The following KCNH5 variants were observed in gnomAD, a reference collection of about 807,000 sequenced individuals.
KCNH5 encodes the protein voltage-gated delayed rectifier potassium channel KCNH5.
In KCNH5, 46 loss-of-function variants were observed where a neutral mutation model predicts 96.1. The ratio of observed to expected loss-of-function variants is 0.48; its 90% CI spans 0.38 to 0.61. The LOEUF (loss-of-function observed/expected upper bound fraction) is 0.61, where lower values mean the gene tolerates loss of function less well. Ranked by LOEUF, KCNH5 falls within the 20% of genes least tolerant of loss-of-function variation. The pLI, the probability that KCNH5 is intolerant of heterozygous loss-of-function variation, is 0.00. For missense variants in KCNH5, 907 were observed against 1,225.8 expected (o/e 0.74, Z 3.88); for synonymous variants, 439 against 449.8 (o/e 0.98, Z 0.30).
At chr14:62,737,154 A>T (rs1309481729) in intron 10 of KCNH5, among the ~76,000 whole-genome samples, 1 of 152,036 alleles carries the variant, frequency 6.6e-6, no homozygotes, top group Non-Finnish European at 1.5e-5. Context: ...ATTTTCCTCC[A>T]TTGCTCTCAT....
intron 2 of KCNH5, among the ~76,000 whole-genome samples, chr14:63,012,587 G>T (rs1251941302): frequency 6.6e-6 from 1 of 151,998 alleles, no homozygotes; most frequent in Non-Finnish European, 1.5e-5. Context: ...TCTCACACAG[G>T]GCCACAAGAA....
intron 8 of KCNH5, among the ~76,000 whole-genome samples, chr14:62,835,759 T>G (rs2140032108): frequency 6.6e-6 from 1 of 152,072 alleles, no homozygotes; most frequent in South Asian, 2.1e-4. Context: ...CCTTAAAAAA[T>G]AAAGTTACAA....
chr14:62,791,401 A>G (rs1886431663), intron 9 of KCNH5, among the ~76,000 whole-genome samples: 1 of 151,698 alleles, frequency 6.6e-6, no homozygotes, highest in African/African-American at 2.4e-5. Context: ...AACAATGACA[A>G]AAGGGCAAGA....
intron 5 of KCNH5, among the ~76,000 whole-genome samples, chr14:62,983,050 G>A (rs1890639355): frequency 6.6e-6 from 1 of 152,124 alleles, no homozygotes; most frequent in African/African-American, 2.4e-5. Flanking sequence ...CATATTCAAT[G>A]TTAGTAGTTT....
chr14:62,724,389 C>T lies in KCNH5; in HGVS notation c.2020-15934G>A, dbSNP rs1335292829. On this transcript the variant is annotated intron_variant, in intron 10 of 10. Transcript: ENST00000322893. The stretch of plus-strand genomic sequence containing the variant: ...TCAGCTCTATCTATCTTTGAATATA[C>T]AACAACACAAGAGGTCAGTACCTGA... Among the ~76,000 whole-genome samples the T allele has an allele frequency of 3.3e-5, 5 of 151,918 alleles. No homozygotes were observed. The East Asian group carries it at 9.8e-4, about 30-fold the overall frequency.
intron 10 of KCNH5, among the ~76,000 whole-genome samples, chr14:62,764,582 T>TCTCTTC (rs1885819991): frequency 6.6e-6 from 1 of 152,136 alleles, no homozygotes; most frequent in Non-Finnish European, 1.5e-5. Flanking sequence ...AGTCAAACTA[T>TCTCTTC]CTCTTCCTAG....
At chr14:62,801,178 T>C (rs941990274) in intron 9 of KCNH5, among the ~76,000 whole-genome samples, 11 of 152,120 alleles carry the variant, frequency 7.2e-5, no homozygotes, top group African/African-American at 2.7e-4. Context: ...GTGGTGGATT[T>C]TGCTTTTGTA....
intron 8 of KCNH5, among the ~76,000 whole-genome samples, chr14:62,818,103 T>TGGGGGGG (rs71120236): frequency 2.5e-5 from 1 of 39,904 alleles, no homozygotes; most frequent in African/African-American, 1.1e-4. Flanking sequence ...TACCAGGAGC[T>TGGGGGGG]GGGGGCGGGG....
intron 7 of KCNH5, among the ~76,000 whole-genome samples, chr14:62,910,563 CA>C (rs1468650426): frequency 2.6e-5 from 4 of 152,062 alleles, no homozygotes; most frequent in Non-Finnish European, 5.9e-5. Context: ...GCAGCAATAA[CA>C]AATTGAAAAG....
At chr14:62,938,011 T>C (rs1340547876) in intron 7 of KCNH5, among the ~76,000 whole-genome samples, 2 of 152,192 alleles carry the variant, frequency 1.3e-5, no homozygotes, top group Non-Finnish European at 2.9e-5. Flanking sequence ...ACTATTCCCA[T>C]ACCGAAGTCT....
rs1383864739 is a variant in KCNH5, at chr14:62,705,559, C to T, written c.*1949G>A. 6.6e-6 allele frequency: 1 copy of T among 151,838 alleles called. No individual in the cohort carries two copies. The highest frequency in any genetic ancestry group is 1.5e-5 in the Non-Finnish European group (1 of 67,880). The allele number at this position is 151,838 out of a possible 1,614,324, so 9.4% of individuals were successfully genotyped here. A position where few individuals can be genotyped will look rare whatever the true frequency, so the allele number is the denominator to read the frequency against. On this transcript the variant is annotated 3_prime_UTR_variant, in exon 11 of 11. Transcript: ENST00000322893. ...GTAGCATTACATGGAGACGTGTTCC[C>T]CTGAAAACTTCCATTATGGTTAATG...
chr14:62,829,098 C>T (rs1887287260), intron 8 of KCNH5, among the ~76,000 whole-genome samples: 1 of 152,104 alleles, frequency 6.6e-6, no homozygotes, highest in Non-Finnish European at 1.5e-5. Flanking sequence ...GTCTAACATC[C>T]AAGGCATACT....
At chr14:62,889,145 A>G (rs576568109) in intron 7 of KCNH5, among the ~76,000 whole-genome samples, 1 of 152,334 alleles carries the variant, frequency 6.6e-6, no homozygotes, top group South Asian at 2.1e-4. Context: ...CCTAGGTGAT[A>G]TAAGTTATGT....
intron 10 of KCNH5, among the ~76,000 whole-genome samples, chr14:62,709,679 A>G (rs1051860809): frequency 2.0e-5 from 3 of 152,182 alleles, no homozygotes; most frequent in Non-Finnish European, 4.4e-5. Context: ...TTTAAAATGT[A>G]TTTTGAAGAT....
rs201215093 is a variant in KCNH5 at position 62,919,746 on chromosome 14, G to GA, written c.1369+30386dup. 1.9e-3 allele frequency among the ~76,000 whole-genome samples: 296 copies of GA among 152,252 alleles called. 6 individuals carry two copies. The highest frequency in any genetic ancestry group is 6.7e-3 in the African/African-American group (280 of 41,544). On this transcript the variant is annotated intron_variant, in intron 7 of 10. Transcript: ENST00000322893. ...ACACAATATCTACGTGGCCCATCAT[G>GA]AAAGTACTGATTACTCTTATTATCA...
chr14:62,999,672 A>G (rs988489154), intron 4 of KCNH5, among the ~76,000 whole-genome samples: 2 of 129,964 alleles, frequency 1.5e-5, no homozygotes, highest in Non-Finnish European at 3.1e-5. Context: ...ATGAGAACAC[A>G]TGGACACAGG....
chr14:62,829,207 C>T (rs80220687), intron 8 of KCNH5, among the ~76,000 whole-genome samples: 20,829 of 152,056 alleles, frequency 0.14, 1,609 homozygotes, highest in East Asian at 0.3. Flanking sequence ...GTGTTGAGTG[C>T]CTGTGGCCTT....
chr14:62,849,516 A>G, intron 8 of KCNH5, 137 bp downstream of exon 8: 1 of 668,048 alleles, frequency 1.5e-6, no homozygotes, highest in Non-Finnish European at 2.6e-6. Flanking sequence ...AATATGACTG[A>G]TTGACTGATA....
intron 7 of KCNH5, among the ~76,000 whole-genome samples, chr14:62,891,492 A>G (rs781208833): frequency 1.2e-3 from 186 of 152,154 alleles, no homozygotes; most frequent in Non-Finnish European, 9.7e-4. Flanking sequence ...AATCGGTACA[A>G]CAAACCCCCG....
Sources: gnomAD v4.1 joint callset for allele counts (sites outside exome capture counted in the v4.1 genomes callset) on GRCh38, gnomAD v4.1.1 for gene constraint, MANE v1.5 for transcripts, NCBI Gene and HGNC (gene_info 2026-07-23, HGNC 2026-07-21) for gene names.